Variants in VWA8 observed in about 807,000 individuals in gnomAD.
VWA8 encodes von Willebrand factor A domain-containing protein 8.
VWA8 carries 221 observed loss-of-function variants against 241.5 expected under a neutral mutation model. The observed-to-expected ratio is 0.91, with a 90% CI of 0.82 to 1.02. The LOEUF is 1.02. VWA8 is among the 50% of genes least tolerant of loss of function. The probability of loss-of-function intolerance (pLI) is 0.00; values close to 1 mark genes in which losing one functional copy is unlikely to be tolerated. For missense variants in VWA8, 2,322 were observed against 2,328.7 expected (o/e 1.00, Z 0.06); for synonymous variants, 852 against 827.1 (o/e 1.03, Z -0.52).
chr13:41,861,185 CGG>C (rs1472786978), intron 12 of VWA8, among the ~76,000 whole-genome samples: 3 of 151,704 alleles, frequency 2.0e-5, no homozygotes, highest in East Asian at 3.9e-4. Context: ...CACTACAGCC[CGG>C]GTGACAGTGC....
intron 17 of VWA8, among the ~76,000 whole-genome samples, chr13:41,809,259 C>A (rs1028823381): frequency 2.0e-5 from 3 of 151,926 alleles, no homozygotes; most frequent in Non-Finnish European, 4.4e-5. Context: ...GAAAAATAAT[C>A]CTAAAATTTA....
chr13:41,845,235 AC>A (rs1872238009), intron 12 of VWA8, among the ~76,000 whole-genome samples: 2 of 152,252 alleles, frequency 1.3e-5, no homozygotes, highest in Admixed American at 1.3e-4. Flanking sequence ...GCCAATCAAA[AC>A]AATGAGATAC....
chr13:41,893,303 C>A (rs1052506940), intron 4 of VWA8, among the ~76,000 whole-genome samples: 1 of 152,042 alleles, frequency 6.6e-6, no homozygotes, highest in East Asian at 1.9e-4. Context: ...CAAGTGTCTA[C>A]ATAATGTTGT....
chr13:41,631,864 A>G (rs1462567875), intron 37 of VWA8, among the ~76,000 whole-genome samples: 2 of 152,176 alleles, frequency 1.3e-5, no homozygotes, highest in Non-Finnish European at 2.9e-5. Flanking sequence ...CTGCATGGAA[A>G]TGCACCCTTC....
chr13:41,845,872 G>A (rs905089160), intron 12 of VWA8, among the ~76,000 whole-genome samples: 1 of 152,108 alleles, frequency 6.6e-6, no homozygotes, highest in Non-Finnish European at 1.5e-5. Context: ...AAAAATAACT[G>A]TTGGGTACTA....
intron 24 of VWA8, among the ~76,000 whole-genome samples, chr13:41,725,052 G>A (rs963327719): frequency 6.6e-6 from 1 of 152,096 alleles, no homozygotes; most frequent in Non-Finnish European, 1.5e-5. Context: ...TGTTGTTAGA[G>A]AGTTGGCAGT....
intron 35 of VWA8, among the ~76,000 whole-genome samples, chr13:41,678,031 C>G (rs1329013887): frequency 6.6e-6 from 1 of 152,164 alleles, no homozygotes; most frequent in Non-Finnish European, 1.5e-5. Context: ...TCATATGAAA[C>G]AGCGAGGATA....
chr13:41,865,868 A>C (rs887927788), intron 11 of VWA8, 34 bp downstream of exon 11: 5 of 1,614,060 alleles, frequency 3.1e-6, no homozygotes, highest in Non-Finnish European at 3.4e-6. Flanking sequence ...AAAGCCAGGA[A>C]ACTAAAAGTC....
chr13:41,755,767 G>T (rs1485520299), intron 21 of VWA8, among the ~76,000 whole-genome samples: 1 of 151,646 alleles, frequency 6.6e-6, no homozygotes, highest in African/African-American at 2.4e-5. Flanking sequence ...ACAGAGCTAA[G>T]AAAGATATTA....
intron 26 of VWA8, among the ~76,000 whole-genome samples, chr13:41,711,682 A>G (rs139097437): frequency 0.048 from 7,365 of 152,018 alleles, 206 homozygotes; most frequent in Middle Eastern, 0.088. Flanking sequence ...AGACCATCCT[A>G]GCTAACACGG....
rs924152474 is a variant in VWA8 at position 41,570,550 on chromosome 13, TAGC to T, written c.5524_5526del (p.Ala1842del). 3 of 1,614,104 alleles carry T rather than the reference TAGC, an allele frequency of 1.9e-6. 1 individual carries two copies. The African/African-American group carries it at 4.0e-5, about 22-fold the overall frequency. Reference sequence around the variant, plus strand: ...TCTCTTGTGAGGATTTGAGCAAACTTAGCAGGATGTATTCCATATCGTGACAGA... The same window carrying T: ...TCTCTTGTGAGGATTTGAGCAAACTTAGGATGTATTCCATATCGTGACAGA... On this transcript the variant is annotated inframe_deletion, in exon 44 of 45. Transcript: ENST00000379310.
At chr13:41,941,561 T>A (rs1265533360) in intron 2 of VWA8, among the ~76,000 whole-genome samples, 3 of 152,186 alleles carry the variant, frequency 2.0e-5, no homozygotes, top group African/African-American at 7.2e-5. Context: ...ATGAAATGCA[T>A]ACAGAATTTA....
At chr13:41,590,894 G>T in intron 40 of VWA8, 129 bp from the exon 41 acceptor site, 1 of 1,183,654 alleles carries the variant, frequency 8.4e-7, no homozygotes, top group Non-Finnish European at 1.2e-6. Flanking sequence ...CATGAACACA[G>T]TCATATAAAT....
intron 35 of VWA8, among the ~76,000 whole-genome samples, chr13:41,683,237 T>C (rs1302183353): frequency 7.9e-5 from 12 of 150,952 alleles, no homozygotes; most frequent in Admixed American, 4.0e-4. Flanking sequence ...ATCTATATAA[T>C]AGGCAACCAC....
At chr13:41,863,590 G>A (rs1268743887) in intron 12 of VWA8, among the ~76,000 whole-genome samples, 1 of 151,298 alleles carries the variant, frequency 6.6e-6, no homozygotes, top group East Asian at 1.9e-4. Context: ...CACCAACAGT[G>A]GACTAGATGA....
At chr13:41,932,281 A>C (rs1877160420) in intron 2 of VWA8, among the ~76,000 whole-genome samples, 1 of 152,152 alleles carries the variant, frequency 6.6e-6, no homozygotes, top group Non-Finnish European at 1.5e-5. Flanking sequence ...GGATAACTTG[A>C]ATGACTATAT....
chr13:41,952,693 T>C (rs1328569843), intron 1 of VWA8, among the ~76,000 whole-genome samples: 1 of 151,958 alleles, frequency 6.6e-6, no homozygotes, highest in Non-Finnish European at 1.5e-5. Context: ...ATAAATAATC[T>C]AGAAAAAGGG....
At chr13:41,924,555 A>G (rs149442512) in intron 2 of VWA8, among the ~76,000 whole-genome samples, 3 of 152,250 alleles carry the variant, frequency 2.0e-5, no homozygotes, top group Middle Eastern at 3.4e-3. Context: ...GAACAAATAC[A>G]TTATGGGATA....
chr13:41,601,238 A>C (rs2044519349), intron 40 of VWA8, among the ~76,000 whole-genome samples: 1 of 152,104 alleles, frequency 6.6e-6, no homozygotes, highest in Admixed American at 6.6e-5. Context: ...TACTTACCAT[A>C]TTAAATGGAA....
Sources: gnomAD v4.1 joint callset for allele counts (sites outside exome capture counted in the v4.1 genomes callset) on GRCh38, gnomAD v4.1.1 for gene constraint, MANE v1.5 for transcripts, NCBI Gene and HGNC (gene_info 2026-07-23, HGNC 2026-07-21) for gene names.